Variants in CEP63 observed in about 807,000 individuals in gnomAD.
CEP63 encodes centrosomal protein 63.
A neutral mutation model predicts 89.1 loss-of-function variants in CEP63; 84 were observed. The ratio of observed to expected loss-of-function variants is 0.94; its 90% CI spans 0.79 to 1.13. The LOEUF is 1.13. CEP63 is among the 50% of genes most tolerant of loss of function. The pLI is 0.00. For missense variants in CEP63, 838 were observed against 813.3 expected, an observed-to-expected ratio of 1.03 and a Z score of -0.37; for synonymous variants, 267 against 272.5, an observed-to-expected ratio of 0.98 and a Z score of 0.20.
the CEP63 span, among the ~76,000 whole-genome samples, chr3:134,710,131 G>GT: frequency 6.6e-6 from 1 of 152,228 alleles, no homozygotes; most frequent in African/African-American, 2.4e-5. Context: ...CCACAGGCAA[G>GT]TATCTTTCAA....
intron 6 of CEP63, among the ~76,000 whole-genome samples, chr3:134,540,985 T>A (rs909019882): frequency 2.6e-5 from 4 of 152,084 alleles, no homozygotes; most frequent in Non-Finnish European, 5.9e-5. Flanking sequence ...TTTCACCATG[T>A]TGGCCATGTT....
At chr3:134,655,160 C>T in the CEP63 span, among the ~76,000 whole-genome samples, 1 of 152,158 alleles carries the variant, frequency 6.6e-6, no homozygotes, top group East Asian at 1.9e-4. Context: ...ATGGCAACTT[C>T]CTGTATTCCA....
At chr3:134,728,755 T>G in the CEP63 span, among the ~76,000 whole-genome samples, 1 of 152,236 alleles carries the variant, frequency 6.6e-6, no homozygotes, top group Non-Finnish European at 1.5e-5. Context: ...TAAACATTAT[T>G]ACATAAAATA....
the CEP63 span, among the ~76,000 whole-genome samples, chr3:134,596,425 C>T: frequency 6.6e-6 from 1 of 152,176 alleles, no homozygotes; most frequent in African/African-American, 2.4e-5. Flanking sequence ...GCTGCATCCT[C>T]AGCCTCCTCC....
chr3:134,707,872 C>T, the CEP63 span, among the ~76,000 whole-genome samples: 2 of 151,194 alleles, frequency 1.3e-5, no homozygotes, highest in East Asian at 3.9e-4. Flanking sequence ...CTGGTGAGCT[C>T]AAGTCTTCCC....
At chr3:134,586,597 A>C (rs1382466367) in intron 10 of CEP63, among the ~76,000 whole-genome samples, 1 of 152,070 alleles carries the variant, frequency 6.6e-6, no homozygotes, top group Non-Finnish European at 1.5e-5. Context: ...GTGGTAACCC[A>C]ACTTTTCTCT....
chr3:134,650,924 C>G, the CEP63 span: 1 of 1,613,326 alleles, frequency 6.2e-7, no homozygotes, highest in East Asian at 2.2e-5. Context: ...AGCAGCATGT[C>G]GATAGATACA....
the CEP63 span, among the ~76,000 whole-genome samples, chr3:134,645,631 G>C: frequency 6.6e-6 from 1 of 152,224 alleles, no homozygotes; most frequent in African/African-American, 2.4e-5. Flanking sequence ...ATGAAATTTC[G>C]CTTTACACAT....
the CEP63 span, among the ~76,000 whole-genome samples, chr3:134,726,168 T>G: frequency 6.6e-6 from 1 of 152,210 alleles, no homozygotes; most frequent in African/African-American, 2.4e-5. Flanking sequence ...AAGATTCTTC[T>G]TTAAACACGT....
chr3:134,674,494 A>G, the CEP63 span, among the ~76,000 whole-genome samples: 1 of 152,230 alleles, frequency 6.6e-6, no homozygotes, highest in Non-Finnish European at 1.5e-5. Context: ...ACTTAATGGT[A>G]AAAGACTGAA....
the CEP63 span, among the ~76,000 whole-genome samples, chr3:134,645,126 G>A: frequency 4.6e-5 from 7 of 152,204 alleles, no homozygotes; most frequent in South Asian, 4.1e-4. Flanking sequence ...GCTGTGGGGC[G>A]TCTGTCCCTG....
At chr3:134,520,118 AAGGATTAG>A (rs1320305076) in intron 3 of CEP63, among the ~76,000 whole-genome samples, 1 of 152,132 alleles carries the variant, frequency 6.6e-6, no homozygotes, top group Non-Finnish European at 1.5e-5. Flanking sequence ...TAAAAGACAT[AAGGATTAG>A]AGAGGAAGAA....
intron 3 of CEP63, among the ~76,000 whole-genome samples, chr3:134,515,284 T>C (rs1282116514): frequency 6.6e-6 from 1 of 152,196 alleles, no homozygotes; most frequent in Non-Finnish European, 1.5e-5. Context: ...GGAACAGAGC[T>C]TATTAAGTAC....
chr3:134,772,465 T>C, the CEP63 span, among the ~76,000 whole-genome samples: 1 of 152,164 alleles, frequency 6.6e-6, no homozygotes, highest in Non-Finnish European at 1.5e-5. Flanking sequence ...GCAAGGCTTC[T>C]TGCTTTTTGG....
intron 5 of CEP63, chr3:134,536,614 T>G: frequency 6.0e-6 from 1 of 167,454 alleles, no homozygotes; most frequent in Admixed American, 5.5e-5. Flanking sequence ...GTTCCTCTGT[T>G]GAGATAATAC....
the CEP63 span, among the ~76,000 whole-genome samples, chr3:134,774,877 C>T: frequency 5.9e-5 from 9 of 152,166 alleles, no homozygotes; most frequent in Non-Finnish European, 8.8e-5. Context: ...AGCCCAAGGG[C>T]TTTCTCTGAA....
At chr3:134,520,339 C>A (rs760212981) in intron 3 of CEP63, among the ~76,000 whole-genome samples, 12 of 151,920 alleles carry the variant, frequency 7.9e-5, no homozygotes, top group Non-Finnish European at 1.2e-4. Flanking sequence ...CAAAAAAGCA[C>A]CAAATAGAGT....
chr3:134,514,974 C>G (rs890263139), intron 3 of CEP63, among the ~76,000 whole-genome samples: 1 of 152,180 alleles, frequency 6.6e-6, no homozygotes, highest in African/African-American at 2.4e-5. Context: ...CCTCAGCCTC[C>G]CAAGTACCTG....
the CEP63 span, among the ~76,000 whole-genome samples, chr3:134,745,929 T>TA: frequency 6.6e-6 from 1 of 150,954 alleles, no homozygotes; most frequent in Non-Finnish European, 1.5e-5. Context: ...CTTTTTTTTT[T>TA]ATTATACTTT....
Sources: allele counts gnomAD v4.1 joint callset (sites outside exome capture counted in the v4.1 genomes callset), GRCh38; gene constraint gnomAD v4.1.1; transcripts MANE v1.5; gene names NCBI Gene and HGNC (gene_info 2026-07-23, HGNC 2026-07-21).